Variants in GABRB3 observed in about 807,000 individuals in gnomAD.
GABRB3 encodes the protein gamma-aminobutyric acid type A receptor subunit beta3.
A neutral mutation model predicts 52.1 loss-of-function variants in GABRB3; 14 were observed. The observed-to-expected ratio is 0.27, with a 90% confidence interval of 0.18 to 0.42. The LOEUF is 0.42. GABRB3 is among the 10% of genes least tolerant of loss of function. GABRB3 has a pLI of 1.00. For missense variants in GABRB3, 307 were observed against 609.1 expected (o/e 0.50, Z 5.22); for synonymous variants, 260 against 232.3 (o/e 1.12, Z -1.08).
chr15:26,585,441 C>T (rs542857039), intron 4 of GABRB3, among the ~76,000 whole-genome samples: 1 of 152,170 alleles, frequency 6.6e-6, no homozygotes, highest in Non-Finnish European at 1.5e-5. Flanking sequence ...CTGTAAAACA[C>T]TAGACATGTG....
At chr15:26,617,561 C>T (rs1431248808) in intron 4 of GABRB3, among the ~76,000 whole-genome samples, 4 of 152,134 alleles carry the variant, frequency 2.6e-5, no homozygotes, top group Non-Finnish European at 5.9e-5. Context: ...CAATATCATA[C>T]TGAATGGGCA....
intron 3 of GABRB3, among the ~76,000 whole-genome samples, chr15:26,728,923 T>C (rs913522116): frequency 1.3e-5 from 2 of 152,202 alleles, no homozygotes; most frequent in Non-Finnish European, 2.9e-5. Context: ...AAATGTGCAA[T>C]GAAAATGTAG....
At position 26,580,380 on chromosome 15, in the gene GABRB3, C is replaced by T. The variant is rs1178952411; in HGVS notation, c.621G>A (p.Glu207=). 1 of 1,614,068 alleles carries T rather than the reference C, an allele frequency of 6.2e-7. No homozygotes were observed. The highest frequency in any genetic ancestry group is 1.3e-5 in the African/African-American group (1 of 74,918). Residue 207 remains glutamate (E), a synonymous_variant, in exon 6 of 9, where the codon GAG becomes GAA. Coordinates refer to ENST00000311550, the MANE Select transcript of GABRB3 (RefSeq NM_000814.6). ...GCTCCACGATGGAGAACTGCGGGAG[C>T]TCAATCCTTTCCACTCCGGTAACAG... ...DKAVTGVERI[E]LPQFSIVEHR...
At chr15:26,699,991 T>A (rs574005332) in intron 3 of GABRB3, among the ~76,000 whole-genome samples, 1 of 150,190 alleles carries the variant, frequency 6.7e-6, no homozygotes, top group East Asian at 2.0e-4. Flanking sequence ...AAGAAAATAA[T>A]AAAGATCAGA....
intron 8 of GABRB3, among the ~76,000 whole-genome samples, chr15:26,559,948 T>G (rs1889916898): frequency 6.6e-6 from 1 of 152,204 alleles, no homozygotes; most frequent in South Asian, 2.1e-4. Context: ...TCTAGAAGAC[T>G]GTGGCCACTG....
chr15:26,671,072 A>G (rs961731577), intron 3 of GABRB3, among the ~76,000 whole-genome samples: 5 of 152,150 alleles, frequency 3.3e-5, no homozygotes, highest in Non-Finnish European at 5.9e-5. Flanking sequence ...CTGCTGAGGA[A>G]TAAGCCCTAC....
intron 3 of GABRB3, among the ~76,000 whole-genome samples, chr15:26,722,408 C>T (rs937598855): frequency 6.6e-6 from 1 of 152,152 alleles, no homozygotes; most frequent in Non-Finnish European, 1.5e-5. Context: ...GTTGTTTATT[C>T]TTCTGGGCCA....
chr15:26,615,483 T>C (rs1566775570), intron 4 of GABRB3: 3 of 979,484 alleles, frequency 3.1e-6, no homozygotes, highest in African/African-American at 1.8e-5. Flanking sequence ...ACAAGAGTCA[T>C]GGGAAAAATG....
At chr15:26,666,588 T>C (rs954291731) in intron 3 of GABRB3, 4 of 152,182 alleles carry the variant, frequency 2.6e-5, no homozygotes, top group Non-Finnish European at 5.9e-5. Flanking sequence ...TCGTTACTTG[T>C]ATGGTTAATC....
intron 3 of GABRB3, among the ~76,000 whole-genome samples, chr15:26,674,898 T>C (rs1179102602): frequency 2.0e-5 from 3 of 152,230 alleles, no homozygotes; most frequent in African/African-American, 4.8e-5. Flanking sequence ...GATGGCTTCA[T>C]TTTAGATGTA....
chr15:26,600,899 TAAC>T (rs1372662211), intron 4 of GABRB3, among the ~76,000 whole-genome samples: 1 of 152,144 alleles, frequency 6.6e-6, no homozygotes, highest in Non-Finnish European at 1.5e-5. Context: ...ACAAAACTAT[TAAC>T]AACAACTATA....
chr15:26,699,299 C>T (rs1181290572), intron 3 of GABRB3, among the ~76,000 whole-genome samples: 1 of 151,758 alleles, frequency 6.6e-6, no homozygotes, highest in Non-Finnish European at 1.5e-5. Context: ...TTAGCAAGAC[C>T]CAAAAGGATA....
intron 3 of GABRB3, among the ~76,000 whole-genome samples, chr15:26,640,373 T>G (rs1489936664): frequency 6.6e-6 from 1 of 152,042 alleles, no homozygotes; most frequent in Non-Finnish European, 1.5e-5. Flanking sequence ...AAAAATTAGC[T>G]GGGTGTGGTG....
At chr15:26,638,825 C>T (rs1893121181) in intron 3 of GABRB3, among the ~76,000 whole-genome samples, 2 of 152,022 alleles carry the variant, frequency 1.3e-5, no homozygotes, top group Admixed American at 1.3e-4. Context: ...ATTCTATTTC[C>T]TGAAATCAAC....
intron 4 of GABRB3, among the ~76,000 whole-genome samples, chr15:26,588,836 C>T (rs966591620): frequency 6.6e-6 from 1 of 152,166 alleles, no homozygotes; most frequent in East Asian, 1.9e-4. Flanking sequence ...CAGCTTCCCA[C>T]CCATTGTGGA....
At chr15:26,724,284 C>A (rs151191036) in intron 3 of GABRB3, among the ~76,000 whole-genome samples, 4 of 152,058 alleles carry the variant, frequency 2.6e-5, no homozygotes, top group Non-Finnish European at 5.9e-5. Context: ...AAAAATGAAA[C>A]CCTAAAACCC....
rs572317833 is a variant in GABRB3, at chr15:26,567,331, C to T, written c.835+250G>A. Among the ~76,000 whole-genome samples, 3 of 152,300 alleles carry T rather than the reference C, an allele frequency of 2.0e-5. No individual in the cohort carries two copies. The South Asian group carries it at 6.2e-4, about 32-fold the overall frequency. On this transcript the variant is annotated intron_variant, in intron 7 of 8. Coordinates refer to ENST00000311550, the MANE Select transcript of GABRB3 (RefSeq NM_000814.6). ...AAATTAGTGTCAAAAATAGTTTTATCATGCAAATATTCTGCAAGCATATTT... is the reference window on the plus strand; with the variant it reads ...AAATTAGTGTCAAAAATAGTTTTATTATGCAAATATTCTGCAAGCATATTT...
At chr15:26,555,904 C>T (rs76757337) in intron 8 of GABRB3, among the ~76,000 whole-genome samples, 3,883 of 152,154 alleles carry the variant, frequency 0.026, 183 homozygotes, top group African/African-American at 0.089. Context: ...AAAAATTACT[C>T]ATGGATTTTT....
intron 6 of GABRB3, among the ~76,000 whole-genome samples, chr15:26,572,088 C>G (rs1890425825): frequency 6.7e-6 from 1 of 149,920 alleles, no homozygotes; most frequent in African/African-American, 2.4e-5. Flanking sequence ...CATTTCCAAT[C>G]AGCAAAATGT....
Sources: allele counts gnomAD v4.1 joint callset (sites outside exome capture counted in the v4.1 genomes callset), GRCh38; gene constraint gnomAD v4.1.1; transcripts MANE v1.5; gene names NCBI Gene and HGNC (gene_info 2026-07-23, HGNC 2026-07-21).